The following CYLC1 variants were observed in gnomAD, a reference collection of about 807,000 sequenced individuals.
The protein encoded by CYLC1 is cylicin-1.
In CYLC1, 2 loss-of-function variants were observed where a neutral mutation model predicts 31.6. The observed-to-expected ratio is 0.06, with a 90% CI of 0.03 to 0.20. The LOEUF is 0.20. Ranked by LOEUF, CYLC1 falls within the 10% of genes least tolerant of loss-of-function variation. The pLI, the probability that CYLC1 is intolerant of heterozygous loss-of-function variation, is 1.00. For synonymous variants in CYLC1, 185 were observed against 153.0 expected (o/e 1.21, Z -1.54); for missense variants, 595 against 424.1 (o/e 1.40, Z -3.54).
At chrX:83,863,599 GA>G (rs971374370) in intron 1 of CYLC1, among the ~76,000 whole-genome samples, 39 of 110,458 alleles carry the variant, frequency 3.5e-4, no homozygotes, top group African/African-American at 8.9e-4. Context: ...ATGAGCATGA[GA>G]AAAAAAATGT....
chrX:83,871,449 T>C lies in CYLC1; in HGVS notation c.59-3T>C, dbSNP rs368876224. Reference sequence around the variant, plus strand: ...AAATTGTTTATTATCCTTTCTCATTTAGTCAGTGAATCAAGCAGAAAATCA... The same window carrying C: ...AAATTGTTTATTATCCTTTCTCATTCAGTCAGTGAATCAAGCAGAAAATCA... On this transcript the variant is annotated splice_polypyrimidine_tract_variant and splice_region_variant and intron_variant, in intron 2 of 4. Coordinates refer to ENST00000329312, the MANE Select transcript of CYLC1 (RefSeq NM_021118.3). The C allele has an allele frequency of 1.5e-4, 180 of 1,181,862 alleles. No homozygotes were observed. The African/African-American group carries it at 2.6e-3, about 17-fold the overall frequency.
Position 83,873,607 on chromosome X carries a change from C to G in CYLC1, c.899C>G (p.Ser300Cys). Reference sequence around the variant, plus strand: ...GCAAAGAAAAGCTCTGATGCTGAATCTGAAGACTCAAAGGATGCTAAGAAA... The same window carrying G: ...GCAAAGAAAAGCTCTGATGCTGAATGTGAAGACTCAAAGGATGCTAAGAAA... ...KNAKKSSDAE[S>C]EDSKDAKKDS... The change falls in exon 4 of 5, where the codon TCT becomes TGT. Residue 300 changes from serine to cysteine, a missense_variant. Physicochemically the swap from Ser to Cys is moderately radical, Grantham distance 112 (BLOSUM62 -1). Transcript: ENST00000329312. 1 of 1,190,961 alleles carries G rather than the reference C, an allele frequency of 8.4e-7. No homozygotes were observed. The highest frequency in any genetic ancestry group is 1.1e-6 in the Non-Finnish European group (1 of 884,668).
At position 83,873,213 on chromosome X, in the gene CYLC1, A is replaced by G; in HGVS notation, c.505A>G (p.Asn169Asp). ...AACTCCCTTAAAATCATCACATGAA[A>G]ATGAACAATCCAAGAAGTCAAAATC... is the stretch of plus-strand genomic sequence containing the variant. ...DKTPLKSSHE[N>D]EQSKKSKSSS... Residue 169 changes from asparagine to aspartate, a missense_variant, in exon 4 of 5, where the codon AAT (asparagine) becomes GAT (aspartate). Transcript: ENST00000329312. The G allele has an allele frequency of 8.3e-7, 1 of 1,204,957 alleles. No homozygotes were observed. Among genetic ancestry groups the G allele is most frequent in the Non-Finnish European group, 1.1e-6 (1 of 891,887 alleles).
chrX:83,885,880 G>T (rs1418137542), intron 4 of CYLC1, among the ~76,000 whole-genome samples: 1 of 109,846 alleles, frequency 9.1e-6, no homozygotes, highest in African/African-American at 3.3e-5. Flanking sequence ...TTTGTATAAT[G>T]TATAAAATTA....
intron 4 of CYLC1, among the ~76,000 whole-genome samples, chrX:83,878,433 A>G (rs919898533): frequency 1.7e-5 from 1 of 58,389 alleles, no homozygotes; most frequent in Admixed American, 3.2e-4. Flanking sequence ...ATATATATAT[A>G]AATATATATA....
At chrX:83,881,129 G>GTGTTGTTGT (rs371734890) in intron 4 of CYLC1, among the ~76,000 whole-genome samples, 6 of 108,990 alleles carry the variant, frequency 5.5e-5, no homozygotes, top group African/African-American at 2.0e-4. Context: ...AGGAAAGTGG[G>GTGTTGTTGT]TGTTGTTGTT....
Position 83,886,596 on chromosome X carries a change from G to A in CYLC1, c.*12G>A. ...ATAAGCTGCTTTAAAGAACAACTGAGCACTTGGTTTCACAGAATGGCCTTA... is the reference window on the plus strand; with the variant it reads ...ATAAGCTGCTTTAAAGAACAACTGAACACTTGGTTTCACAGAATGGCCTTA... On this transcript the variant is annotated 3_prime_UTR_variant, in exon 5 of 5. Coordinates refer to ENST00000329312, the MANE Select transcript of CYLC1 (RefSeq NM_021118.3). The A allele has an allele frequency of 8.3e-7, 1 of 1,200,294 alleles. No individual in the cohort carries two copies. The highest frequency in any genetic ancestry group is 1.1e-6 in the Non-Finnish European group (1 of 885,760).
At chrX:83,863,449 G>A (rs2031543964) in intron 1 of CYLC1, among the ~76,000 whole-genome samples, 1 of 110,962 alleles carries the variant, frequency 9.0e-6, no homozygotes, top group Non-Finnish European at 1.9e-5. Flanking sequence ...CAGGCTCATG[G>A]TGAATTAGCA....
intron 4 of CYLC1, among the ~76,000 whole-genome samples, chrX:83,882,462 C>T (rs893484377): frequency 2.7e-5 from 3 of 110,588 alleles, no homozygotes; most frequent in Non-Finnish European, 5.7e-5. Flanking sequence ...CCTGCAATGA[C>T]CTTTCACTGA....
In CYLC1 at chrX:83,874,336, C is replaced by T. The variant is rs1179025590; in HGVS notation, c.1628C>T (p.Thr543Ile). The T allele has an allele frequency of 1.7e-6, 2 of 1,208,857 alleles. No individual in the cohort carries two copies. Residue 543 changes from threonine (T) to isoleucine (I), a missense_variant, in exon 4 of 5, where the codon ACT becomes ATT. Thr to Ile is a moderately conservative substitution (Grantham distance 89, BLOSUM62 -1). Coordinates refer to ENST00000329312, the MANE Select transcript of CYLC1 (RefSeq NM_021118.3). ...TCTACAAAAATCAAAGGTTCAGATA[C>T]TGAATCTGAAGAGTCACTATATAAA... ...KTSTKIKGSD[T>I]ESEESLYKPG...
chrX:83,861,843 C>T (rs2031511993), intron 1 of CYLC1, among the ~76,000 whole-genome samples: 1 of 110,510 alleles, frequency 9.0e-6, no homozygotes, highest in Non-Finnish European at 1.9e-5. Flanking sequence ...CAGATAATAT[C>T]CCATATATAT....
intron 2 of CYLC1, 80 bp downstream of exon 2, chrX:83,869,985 A>G (rs2031642608): frequency 7.4e-6 from 4 of 541,420 alleles, no homozygotes; most frequent in Non-Finnish European, 1.0e-5. Flanking sequence ...ATATTCCATT[A>G]AATGTGATAA....
At chrX:83,881,419 G>A (rs1012018999) in intron 4 of CYLC1, among the ~76,000 whole-genome samples, 1 of 109,690 alleles carries the variant, frequency 9.1e-6, no homozygotes, top group African/African-American at 3.3e-5. Context: ...AGCATAGTGG[G>A]ATGAATTTGT....
chrX:83,876,071 C>A (rs2031753633), intron 4 of CYLC1, among the ~76,000 whole-genome samples: 1 of 110,617 alleles, frequency 9.0e-6, no homozygotes, highest in Non-Finnish European at 1.9e-5. Context: ...ATCTTATATT[C>A]CAAATATTTT....
At chrX:83,870,738 C>T (rs1241175198) in intron 2 of CYLC1, among the ~76,000 whole-genome samples, 1 of 110,921 alleles carries the variant, frequency 9.0e-6, no homozygotes, top group Non-Finnish European at 1.9e-5. Context: ...ATATAGTAAC[C>T]GTATCTCTGG....
chrX:83,867,753 C>G (rs757675145), intron 1 of CYLC1, among the ~76,000 whole-genome samples: 1 of 111,198 alleles, frequency 9.0e-6, no homozygotes, highest in Admixed American at 9.6e-5. Context: ...ATTTTGTGCC[C>G]TCTTGAACAA....
In CYLC1 at chrX:83,872,974, C is replaced by T. The variant is rs2031693718; in HGVS notation, c.266C>T (p.Pro89Leu). The change falls in exon 4 of 5, where the codon CCC becomes CTC. Residue 89 changes from proline (P) to leucine (L), a missense_variant. By Grantham distance (98) the Pro-to-Leu change is moderately conservative. Transcript: ENST00000329312. ...TTCAGAAAAATTTTGCAATGGCCAC[C>T]CATTTACACAGCTGCCAGGGAACAG... ...HSFRKILQWP[P>L]IYTAAREQTP... is the part of the protein sequence containing the mutation. 1 of 1,203,402 alleles carries T rather than the reference C, an allele frequency of 8.3e-7. No individual in the cohort carries two copies. The highest frequency in any genetic ancestry group is 1.1e-6 in the Non-Finnish European group (1 of 891,989).
chrX:83,880,855 T>A (rs2031897935), intron 4 of CYLC1, among the ~76,000 whole-genome samples: 1 of 111,575 alleles, frequency 9.0e-6, no homozygotes, highest in Non-Finnish European at 1.9e-5. Flanking sequence ...ACATGTTTAG[T>A]TCAACAAATA....
intron 4 of CYLC1, among the ~76,000 whole-genome samples, chrX:83,878,007 TATATATATAAAA>T (rs1169155999): frequency 4.3e-5 from 3 of 69,806 alleles, no homozygotes; most frequent in Middle Eastern, 7.7e-3. Context: ...TGTATATAAA[TATATATATAAAA>T]ATATATATAT....
Sources: allele counts gnomAD v4.1 joint callset (sites outside exome capture counted in the v4.1 genomes callset), GRCh38; gene constraint gnomAD v4.1.1; transcripts MANE v1.5; gene names NCBI Gene and HGNC (gene_info 2026-07-23, HGNC 2026-07-21).